Variants in IFRD1 observed in about 807,000 individuals in gnomAD.
The protein encoded by IFRD1 is interferon related developmental regulator 1, also known as interferon-related developmental regulator 1.
IFRD1 carries 35 observed loss-of-function variants against 52.9 expected under a neutral mutation model. The observed-to-expected ratio is 0.66, with a 90% CI of 0.51 to 0.88. IFRD1 has a LOEUF of 0.88. Among genes scored for constraint, IFRD1 ranks in the 40% least tolerant of loss-of-function variants. IFRD1 has a pLI of 0.00. For synonymous variants in IFRD1, 184 were observed against 188.4 expected, an observed-to-expected ratio of 0.98 and a Z score of 0.19; for missense variants, 517 against 550.8, an observed-to-expected ratio of 0.94 and a Z score of 0.61.
chr7:112,474,984 A>G (rs908271748), intron 11 of IFRD1, among the ~76,000 whole-genome samples: 47 of 150,412 alleles, frequency 3.1e-4, no homozygotes, highest in Admixed American at 5.3e-4. Flanking sequence ...TTTGAGACGG[A>G]GTCTCGTTCT....
At chr7:112,473,775 A>AT (rs2117339984) in intron 11 of IFRD1, among the ~76,000 whole-genome samples, 1 of 152,162 alleles carries the variant, frequency 6.6e-6, no homozygotes, top group South Asian at 2.1e-4. Flanking sequence ...CTGAGATGAA[A>AT]TTCATATAAC....
At chr7:112,435,657 C>CGT (rs1554503457) in intron 1 of IFRD1, 1 of 46,594 alleles carries the variant, frequency 2.1e-5, no homozygotes, top group Non-Finnish European at 7.7e-5. Flanking sequence ...TGTGTGTGTG[C>CGT]GTGCTTGTAA....
exon 1 of IFRD1, chr7:112,423,368 G>A (rs190262818): frequency 1.3e-5 from 2 of 152,270 alleles, no homozygotes; most frequent in Non-Finnish European, 2.9e-5. Context: ...TGATCACTAG[G>A]TGCCAACATT....
intron 5 of IFRD1, 26 bp from the exon 6 acceptor site, chr7:112,461,840 C>T (rs1305973732): frequency 1.7e-6 from 2 of 1,211,512 alleles, no homozygotes; most frequent in Non-Finnish European, 2.4e-6. Flanking sequence ...TCATTAATGT[C>T]TATATATATA....
At chr7:112,468,686 G>A (rs1348718525) in intron 9 of IFRD1, among the ~76,000 whole-genome samples, 1 of 152,110 alleles carries the variant, frequency 6.6e-6, no homozygotes, top group Non-Finnish European at 1.5e-5. Flanking sequence ...TTTTAGTAGA[G>A]ACAGGGTTTC....
At chr7:112,454,393 A>T (rs1033905278) in intron 1 of IFRD1, among the ~76,000 whole-genome samples, 1 of 152,114 alleles carries the variant, frequency 6.6e-6, no homozygotes, top group African/African-American at 2.4e-5. Flanking sequence ...GGGTTTCGCC[A>T]TGTTGGCCAG....
rs199704602 is a variant in IFRD1, at chr7:112,468,050, C to T, written c.976C>T (p.His326Tyr). 1 of 1,614,028 alleles carries T rather than the reference C, an allele frequency of 6.2e-7. No homozygotes were observed. The highest frequency in any genetic ancestry group is 8.5e-7 in the Non-Finnish European group (1 of 1,179,954). Reference protein sequence around the residue: ...LRALATDGNKHRAKVDKRKQR... With the variant: ...LRALATDGNKYRAKVDKRKQR... ...GGCCTTGGCAACAGATGGAAATAAA[C>T]ACCGGGCCAAAGTGGACAAGAGAAA... The change falls in exon 9 of 12, where the codon CAC (histidine) becomes TAC (tyrosine). Residue 326 changes from histidine to tyrosine, a missense_variant. Physicochemically the swap from His to Tyr is moderately conservative, Grantham distance 83. Coordinates refer to ENST00000403825, the MANE Select transcript of IFRD1 (RefSeq NM_001550.4).
rs779767168 is a variant in IFRD1, at chr7:112,472,262, G to A, written c.1085G>A (p.Arg362His). Residue 362 changes from arginine to histidine, a missense_variant, in exon 10 of 12, where the codon CGC becomes CAC. Transcript: ENST00000403825. Reference protein sequence around the residue: ...PTETIKFGPERMYIDCWVKKH... With the variant: ...PTETIKFGPEHMYIDCWVKKH... ...GAAACCATTAAATTTGGTCCTGAACGCATGTATATTGATTGCTGGGTAAAA... is the reference window on the plus strand; with the variant it reads ...GAAACCATTAAATTTGGTCCTGAACACATGTATATTGATTGCTGGGTAAAA... 81 of 1,613,780 alleles carry A rather than the reference G, an allele frequency of 5.0e-5. No individual in the cohort carries two copies. The highest frequency in any genetic ancestry group is 6.6e-5 in the Non-Finnish European group (78 of 1,179,870).
chr7:112,428,806 A>G (rs777449184), intron 1 of IFRD1, among the ~76,000 whole-genome samples: 1 of 152,190 alleles, frequency 6.6e-6, no homozygotes. Context: ...AGCTTCAGAC[A>G]CACAAAACCT....
At chr7:112,463,323 T>C (rs899398207) in intron 8 of IFRD1, among the ~76,000 whole-genome samples, 3 of 152,214 alleles carry the variant, frequency 2.0e-5, no homozygotes, top group Non-Finnish European at 4.4e-5. Context: ...ATTTTCATTC[T>C]GAAACTTTTT....
intron 1 of IFRD1, chr7:112,437,073 C>T (rs1446486004): frequency 6.5e-6 from 1 of 154,042 alleles, no homozygotes; most frequent in Non-Finnish European, 1.5e-5. Context: ...ACCACAGCCT[C>T]CCAAGTAGTT....
At chr7:112,443,722 G>A (rs910415065) in intron 1 of IFRD1, among the ~76,000 whole-genome samples, 1 of 151,880 alleles carries the variant, frequency 6.6e-6, no homozygotes, top group Non-Finnish European at 1.5e-5. Context: ...ACATAAATTA[G>A]CCAGGCATGG....
At chr7:112,428,916 A>G (rs1794488215) in intron 1 of IFRD1, among the ~76,000 whole-genome samples, 1 of 152,160 alleles carries the variant, frequency 6.6e-6, no homozygotes, top group Non-Finnish European at 1.5e-5. Context: ...TCCTCTTCTC[A>G]AAAGCTATTG....
At chr7:112,458,571 C>G (rs181871242) in intron 4 of IFRD1, among the ~76,000 whole-genome samples, 2 of 152,250 alleles carry the variant, frequency 1.3e-5, no homozygotes, top group Non-Finnish European at 2.9e-5. Context: ...AAAATAATCC[C>G]TTAAGATAGA....
At chr7:112,452,324 C>T (rs1358783688) in intron 1 of IFRD1, 1 of 339,978 alleles carries the variant, frequency 2.9e-6, no homozygotes, top group Non-Finnish European at 4.2e-6. Flanking sequence ...CCATTCCTGG[C>T]TATTTTTTAC....
exon 1 of IFRD1, chr7:112,423,234 C>T (rs1794360112): frequency 6.6e-6 from 1 of 152,188 alleles, no homozygotes; most frequent in Non-Finnish European, 1.5e-5. Context: ...GTAATTCCTC[C>T]CAGTATTTGA....
chr7:112,439,050 A>AT (rs1794791950), intron 1 of IFRD1, among the ~76,000 whole-genome samples: 1 of 152,266 alleles, frequency 6.6e-6, no homozygotes, highest in Non-Finnish European at 1.5e-5. Context: ...GAAAACTCTT[A>AT]ATCTGGAAGC....
rs36034367 is a variant in IFRD1 at position 112,465,372 on chromosome 7, A to C, written c.907-2609A>C. Among the ~76,000 whole-genome samples the C allele has an allele frequency of 6.0e-3, 910 of 152,310 alleles. 2 individuals are homozygous for C. Among genetic ancestry groups the C allele is most frequent in the Middle Eastern group, 0.017 (5 of 294 alleles). The stretch of plus-strand genomic sequence containing the variant: ...TTAAGCATCTCACCCTGTCTGCCTA[A>C]ACTTTTCTGGAAATTTTCTTTGGTT... On this transcript the variant is annotated intron_variant, in intron 8 of 11. Coordinates refer to ENST00000403825, the MANE Select transcript of IFRD1 (RefSeq NM_001550.4).
At chr7:112,439,990 AT>A (rs533468058) in intron 1 of IFRD1, among the ~76,000 whole-genome samples, 708 of 145,326 alleles carry the variant, frequency 4.9e-3, no homozygotes, top group African/African-American at 0.011. Flanking sequence ...TTCAAAAGCC[AT>A]TTTTTTTTTT....
Sources: gnomAD v4.1 joint callset for allele counts (sites outside exome capture counted in the v4.1 genomes callset) on GRCh38, gnomAD v4.1.1 for gene constraint, MANE v1.5 for transcripts, NCBI Gene and HGNC (gene_info 2026-07-23, HGNC 2026-07-21) for gene names.